Variants in AKAP6 observed in about 807,000 individuals in gnomAD.
AKAP6 encodes A-kinase anchoring protein 6.
AKAP6 carries 58 observed loss-of-function variants against 188.5 expected under a neutral mutation model. That is an observed-to-expected ratio of 0.31 (90% CI 0.25 to 0.38). The LOEUF (loss-of-function observed/expected upper bound fraction) is 0.38, where lower values mean the gene tolerates loss of function less well. Among genes scored for constraint, AKAP6 ranks in the 10% least tolerant of loss-of-function variants. AKAP6 has a pLI of 1.00. For synonymous variants in AKAP6, 989 were observed against 998.6 expected (o/e 0.99, Z 0.18); for missense variants, 2,710 against 2,740.0 (o/e 0.99, Z 0.24).
At chr14:32,556,529 G>T (rs1439738109) in intron 4 of AKAP6, among the ~76,000 whole-genome samples, 1 of 151,960 alleles carries the variant, frequency 6.6e-6, no homozygotes, top group Non-Finnish European at 1.5e-5. Flanking sequence ...TTTTTGTAGA[G>T]GCAGGGTTTT....
intron 1 of AKAP6, among the ~76,000 whole-genome samples, chr14:32,411,609 T>C (rs141794159): frequency 1.1e-3 from 169 of 152,268 alleles, no homozygotes; most frequent in African/African-American, 4.0e-3. Context: ...TTCACCCTTC[T>C]TCCAGGGGAA....
chr14:32,649,635 T>G (rs1379920157), intron 7 of AKAP6, among the ~76,000 whole-genome samples: 2 of 152,200 alleles, frequency 1.3e-5, no homozygotes, highest in African/African-American at 4.8e-5. Flanking sequence ...TTTCTTTTTT[T>G]GTAAATATGA....
intron 7 of AKAP6, among the ~76,000 whole-genome samples, chr14:32,657,111 A>G (rs1166114228): frequency 6.6e-6 from 1 of 152,182 alleles, no homozygotes; most frequent in East Asian, 1.9e-4. Context: ...GCAGATCCAG[A>G]AGAATGGCCA....
At chr14:32,399,653 C>A (rs2138610294) in intron 1 of AKAP6, among the ~76,000 whole-genome samples, 1 of 152,290 alleles carries the variant, frequency 6.6e-6, no homozygotes, top group Non-Finnish European at 1.5e-5. Context: ...TCTCTTCCAG[C>A]CCAGGCTGAT....
chr14:32,747,192 T>A (rs1239811813), intron 11 of AKAP6, among the ~76,000 whole-genome samples: 1 of 152,172 alleles, frequency 6.6e-6, no homozygotes, highest in Non-Finnish European at 1.5e-5. Context: ...TAATCTCACT[T>A]CCTCTGACCC....
chr14:32,591,337 G>A (rs1180269195), intron 5 of AKAP6, among the ~76,000 whole-genome samples: 1 of 152,122 alleles, frequency 6.6e-6, no homozygotes, highest in African/African-American at 2.4e-5. Flanking sequence ...ATCCAGAGAA[G>A]CAAATGAAAA....
intron 7 of AKAP6, among the ~76,000 whole-genome samples, chr14:32,606,407 ATG>A (rs1886127290): frequency 6.6e-6 from 1 of 152,174 alleles, no homozygotes; most frequent in African/African-American, 2.4e-5. Flanking sequence ...CTCCTTTAAA[ATG>A]TTCTTATCTT....
At chr14:32,772,551 A>G (rs945148040) in intron 11 of AKAP6, among the ~76,000 whole-genome samples, 1 of 152,174 alleles carries the variant, frequency 6.6e-6, no homozygotes, top group African/African-American at 2.4e-5. Flanking sequence ...TCTAGCATGC[A>G]TTATATCAGT....
chr14:32,662,852 G>T (rs752673682), intron 7 of AKAP6, among the ~76,000 whole-genome samples: 1 of 151,916 alleles, frequency 6.6e-6, no homozygotes, highest in Non-Finnish European at 1.5e-5. Flanking sequence ...GTAAAATGAT[G>T]GTATCCTAAT....
chr14:32,656,412 A>G (rs149811344), intron 7 of AKAP6, among the ~76,000 whole-genome samples: 1 of 152,260 alleles, frequency 6.6e-6, no homozygotes, highest in East Asian at 1.9e-4. Context: ...TGAGAAATAG[A>G]AGACAGTGGT....
intron 12 of AKAP6, among the ~76,000 whole-genome samples, chr14:32,778,002 G>T (rs1298908321): frequency 6.6e-6 from 1 of 152,142 alleles, no homozygotes; most frequent in Non-Finnish European, 1.5e-5. Context: ...TTGTGCCACT[G>T]CACTCTAGCC....
At chr14:32,693,091 G>A (rs137863684) in intron 8 of AKAP6, among the ~76,000 whole-genome samples, 3 of 152,282 alleles carry the variant, frequency 2.0e-5, no homozygotes, top group East Asian at 3.9e-4. Context: ...ATTCTGGGGT[G>A]CAGTGGAGTC....
At chr14:32,499,774 C>T (rs1259424446) in intron 2 of AKAP6, among the ~76,000 whole-genome samples, 3 of 151,634 alleles carry the variant, frequency 2.0e-5, no homozygotes, top group African/African-American at 7.3e-5. Flanking sequence ...TTTAATTTTT[C>T]AATCATTAAT....
rs142902100 is a variant in AKAP6, at chr14:32,484,651, G to T, written c.324+50834G>T. The T allele has an allele frequency of 4.3e-4, 92 of 212,372 alleles. 41 individuals are homozygous for T. The African/African-American group carries it at 6.7e-3, about 16-fold the overall frequency. The allele number at this position is 212,372 out of a possible 1,614,324, so 13.2% of individuals were successfully genotyped here. ...TGACGATGACATTGTAGATGTGGTC[G>T]TTACCTAGAAGGTTGCCTGGTTGGC... On this transcript the variant is annotated intron_variant, in intron 2 of 13. Coordinates refer to ENST00000280979, the MANE Select transcript of AKAP6 (RefSeq NM_004274.5).
chr14:32,506,032 A>G (rs376973714), intron 2 of AKAP6, among the ~76,000 whole-genome samples: 5 of 152,072 alleles, frequency 3.3e-5, no homozygotes, highest in African/African-American at 1.2e-4. Flanking sequence ...AGTTCAAGCT[A>G]CGCGGGAGGC....
At chr14:32,410,616 T>G (rs1296270922) in intron 1 of AKAP6, among the ~76,000 whole-genome samples, 4 of 152,212 alleles carry the variant, frequency 2.6e-5, no homozygotes, top group African/African-American at 9.6e-5. Context: ...AGAGTTTGAC[T>G]CTTTTCATTG....
At chr14:32,518,285 T>A (rs558498442) in intron 2 of AKAP6, among the ~76,000 whole-genome samples, 1 of 152,224 alleles carries the variant, frequency 6.6e-6, no homozygotes, top group South Asian at 2.1e-4. Context: ...TCAGAGCACC[T>A]CTTTTCCTCC....
intron 2 of AKAP6, among the ~76,000 whole-genome samples, chr14:32,493,124 C>G (rs1880122947): frequency 1.3e-5 from 2 of 152,152 alleles, no homozygotes; most frequent in Admixed American, 6.5e-5. Context: ...AAGGTAGATT[C>G]TAATTTATCG....
chr14:32,651,118 A>G (rs1314648203), intron 7 of AKAP6, among the ~76,000 whole-genome samples: 1 of 152,216 alleles, frequency 6.6e-6, no homozygotes, highest in Non-Finnish European at 1.5e-5. Context: ...CTGACTGGTC[A>G]TAGGAATCTG....
Sources: allele counts gnomAD v4.1 joint callset (sites outside exome capture counted in the v4.1 genomes callset), GRCh38; gene constraint gnomAD v4.1.1; transcripts MANE v1.5; gene names NCBI Gene and HGNC (gene_info 2026-07-23, HGNC 2026-07-21).